PTK2: variants seen among roughly 807,000 people sequenced by gnomAD.
The protein encoded by PTK2 is focal adhesion kinase 1.
A neutral mutation model predicts 150.1 loss-of-function variants in PTK2; 45 were observed. The observed-to-expected ratio is 0.30, with a 90% CI of 0.24 to 0.38. The LOEUF is 0.38. Among genes scored for constraint, PTK2 ranks in the 10% least tolerant of loss-of-function variants. The probability of loss-of-function intolerance (pLI) is 1.00; values close to 1 mark genes in which losing one functional copy is unlikely to be tolerated. For synonymous variants in PTK2, 432 were observed against 449.2 expected (o/e 0.96, Z 0.48); for missense variants, 919 against 1,307.3 (o/e 0.70, Z 4.58).
chr8:140,854,701 C>T, intron 5 of PTK2, among the ~76,000 whole-genome samples: 1 of 152,082 alleles, frequency 6.6e-6, no homozygotes, highest in East Asian at 1.9e-4. Context: ...GAAATTTTCA[C>T]ATTGGTAGTT....
At chr8:141,001,925 G>A (rs2100200341), upstream of PTK2, 1 of 152,258 alleles carries the variant, frequency 6.6e-6, no homozygotes, top group African/African-American at 2.4e-5. Context: ...ATCATGAAAG[G>A]GACTTAGAAG....
At chr8:140,694,425 C>T (rs185402420) in intron 26 of PTK2, among the ~76,000 whole-genome samples, 4 of 152,164 alleles carry the variant, frequency 2.6e-5, no homozygotes, top group Non-Finnish European at 5.9e-5. Context: ...ATTTTTATGT[C>T]TTTTTCTAGT....
chr8:141,000,087 T>TCTCACACA (rs765058833), intron 1 of PTK2, among the ~76,000 whole-genome samples: 3 of 81,608 alleles, frequency 3.7e-5, no homozygotes, highest in African/African-American at 7.1e-5. Flanking sequence ...TGAAACCAAT[T>TCTCACACA]CACACACACA....
At chr8:140,925,903 A>G (rs915858218) in intron 1 of PTK2, among the ~76,000 whole-genome samples, 154 bp from the exon 2 acceptor site, 6 of 152,234 alleles carry the variant, frequency 3.9e-5, no homozygotes, top group East Asian at 3.8e-4. Context: ...ATGAAAATAT[A>G]ATTTTGACAT....
Position 140,946,457 on chromosome 8 carries a change from T to C in PTK2, c.-121-20708A>G, listed in dbSNP as rs193046251. On this transcript the variant is annotated intron_variant, in intron 1 of 31. Transcript: ENST00000522684. Reference sequence around the variant, plus strand: ...CCTACCATGATAGGAGTTCAGTATATAACTTTTTCTAAAATTGATGGAGCA... The same window carrying C: ...CCTACCATGATAGGAGTTCAGTATACAACTTTTTCTAAAATTGATGGAGCA... Among the ~76,000 whole-genome samples the C allele has an allele frequency of 2.0e-5, 3 of 152,292 alleles. No homozygotes were observed. The East Asian group carries it at 5.8e-4, about 29-fold the overall frequency.
chr8:140,667,105 G>A (rs534068020), intron 30 of PTK2, among the ~76,000 whole-genome samples: 1 of 152,162 alleles, frequency 6.6e-6, no homozygotes, highest in Non-Finnish European at 1.5e-5. Context: ...AGGTTGCCAG[G>A]GGCTGGGGGA....
At chr8:140,807,992 G>A (rs1468689045) in intron 10 of PTK2, among the ~76,000 whole-genome samples, 1 of 152,154 alleles carries the variant, frequency 6.6e-6, no homozygotes, top group Non-Finnish European at 1.5e-5. Context: ...GAAAGGCCTG[G>A]TTGAAGCAGG....
intron 1 of PTK2, among the ~76,000 whole-genome samples, chr8:140,944,494 T>C (rs2100176988): frequency 6.6e-6 from 1 of 152,220 alleles, no homozygotes; most frequent in African/African-American, 2.4e-5. Context: ...TCTTCTTAAC[T>C]TCTCTAAGCC....
intron 1 of PTK2, among the ~76,000 whole-genome samples, chr8:140,988,920 T>G (rs2100194459): frequency 6.6e-6 from 1 of 151,952 alleles, no homozygotes; most frequent in Non-Finnish European, 1.5e-5. Context: ...CTATTCCAAG[T>G]GAATTATACA....
chr8:140,930,961 C>A (rs1022747041), intron 1 of PTK2, among the ~76,000 whole-genome samples: 1 of 151,496 alleles, frequency 6.6e-6, no homozygotes. Flanking sequence ...GTAACTCCAG[C>A]TACTCAGGAG....
At chr8:140,666,306 C>T (rs2091614615) in intron 30 of PTK2, among the ~76,000 whole-genome samples, 1 of 151,992 alleles carries the variant, frequency 6.6e-6, no homozygotes, top group Admixed American at 6.6e-5. Context: ...CCATTGCACT[C>T]CAGCCTGGGA....
intron 27 of PTK2, among the ~76,000 whole-genome samples, chr8:140,686,017 A>C (rs1273092544): frequency 6.6e-6 from 1 of 152,198 alleles, no homozygotes. Flanking sequence ...GGATAAAGAA[A>C]ATGTGGTATG....
intron 1 of PTK2, chr8:140,984,198 A>G (rs4961311): frequency 0.92 from 141,871 of 153,378 alleles, 66,532 homozygotes; most frequent in East Asian, 1. Context: ...AGCATTACAT[A>G]ATCATGTAGT....
At chr8:140,744,336 C>G (rs1000187062) in intron 19 of PTK2, among the ~76,000 whole-genome samples, 2 of 152,086 alleles carry the variant, frequency 1.3e-5, no homozygotes, top group African/African-American at 4.8e-5. Context: ...TACAGGTTCT[C>G]TATAGTGTTT....
chr8:140,957,592 C>T (rs569293438), intron 1 of PTK2, among the ~76,000 whole-genome samples: 3 of 152,216 alleles, frequency 2.0e-5, no homozygotes, highest in Non-Finnish European at 4.4e-5. Context: ...ACCACACACT[C>T]ACTGACTCAC....
intron 1 of PTK2, among the ~76,000 whole-genome samples, chr8:140,995,818 C>T (rs1262787650): frequency 6.6e-6 from 1 of 151,922 alleles, no homozygotes; most frequent in Non-Finnish European, 1.5e-5. Context: ...AAAAGATAGG[C>T]CAAAAGCGAG....
intron 10 of PTK2, among the ~76,000 whole-genome samples, chr8:140,804,747 C>A (rs2100097350): frequency 6.6e-6 from 1 of 152,212 alleles, no homozygotes; most frequent in African/African-American, 2.4e-5. Flanking sequence ...GAGGTTCACA[C>A]TGGGCTGCCC....
intron 1 of PTK2, among the ~76,000 whole-genome samples, chr8:140,992,208 C>T (rs1215682857): frequency 6.7e-6 from 1 of 150,328 alleles, no homozygotes; most frequent in Admixed American, 6.7e-5. Flanking sequence ...AGGAGAATTG[C>T]TTGAACCCGA....
intron 3 of PTK2, among the ~76,000 whole-genome samples, chr8:140,881,819 G>T (rs879255997): frequency 1.3e-5 from 2 of 152,150 alleles, no homozygotes; most frequent in Non-Finnish European, 2.9e-5. Flanking sequence ...TCTCAAAGAG[G>T]CTTAGCCCAG....
Sources: allele counts gnomAD v4.1 joint callset (sites outside exome capture counted in the v4.1 genomes callset), GRCh38; gene constraint gnomAD v4.1.1; transcripts MANE v1.5; gene names NCBI Gene and HGNC (gene_info 2026-07-23, HGNC 2026-07-21).